SRD5A1: variants seen among roughly 807,000 people sequenced by gnomAD.
SRD5A1 encodes the protein steroid 5 alpha-reductase 1, also known as 3-oxo-5-alpha-steroid 4-dehydrogenase 1.
Under a neutral mutation model 28.2 loss-of-function variants are expected in SRD5A1, and 22 were observed. The observed-to-expected ratio is 0.78, with a 90% CI of 0.56 to 1.12. SRD5A1 has a LOEUF of 1.12. SRD5A1 is among the 50% of genes most tolerant of loss of function. The probability of loss-of-function intolerance (pLI) is 0.00; values close to 1 mark genes in which losing one functional copy is unlikely to be tolerated. For synonymous variants in SRD5A1, 151 were observed against 135.0 expected (o/e 1.12, Z -0.82); for missense variants, 300 against 346.7 (o/e 0.87, Z 1.07).
chr5:6,637,236 T>C (rs967798688), intron 1 of SRD5A1, among the ~76,000 whole-genome samples: 2 of 152,128 alleles, frequency 1.3e-5, no homozygotes, highest in African/African-American at 4.8e-5. Context: ...AGCCTGTGCC[T>C]ACTCCTATCA....
chr5:6,640,042 A>C (rs1352655146), intron 1 of SRD5A1, among the ~76,000 whole-genome samples: 2 of 152,234 alleles, frequency 1.3e-5, no homozygotes, highest in African/African-American at 4.8e-5. Flanking sequence ...ACACTTAATG[A>C]AAATGACTGA....
chr5:6,633,950 T>G, intron 1 of SRD5A1, 81 bp downstream of exon 1: 1 of 1,484,384 alleles, frequency 6.7e-7, no homozygotes, highest in Non-Finnish European at 9.2e-7. Flanking sequence ...CCCGGTGCCC[T>G]CTCCCCGAAG....
At chr5:6,633,929 T>A (rs1239107611) in intron 1 of SRD5A1, 60 bp downstream of exon 1, 16 of 1,553,922 alleles carry the variant, frequency 1.0e-5, no homozygotes, top group Non-Finnish European at 1.4e-5. Context: ...TCTCCGACCC[T>A]CCCCTCACTG....
Position 6,643,094 on chromosome 5 carries a change from A to T in SRD5A1, c.294-8748A>T, listed in dbSNP as rs1323669201. On this transcript the variant is annotated intron_variant, in intron 1 of 4. Coordinates refer to ENST00000274192, the MANE Select transcript of SRD5A1 (RefSeq NM_001047.4). Reference sequence around the variant, plus strand: ...CATTTGCAACAGCTTAGCAGATTCCACTTTGGATTCTACTAAATTCGTGTT... The same window carrying T: ...CATTTGCAACAGCTTAGCAGATTCCTCTTTGGATTCTACTAAATTCGTGTT... 5.9e-5 allele frequency among the ~76,000 whole-genome samples: 9 copies of T among 151,592 alleles called. No individual in the cohort carries two copies. The East Asian group carries it at 1.7e-3, about 29-fold the overall frequency.
At chr5:6,653,659 G>A (rs982412813) in intron 2 of SRD5A1, 2 of 152,118 alleles carry the variant, frequency 1.3e-5, no homozygotes, top group Non-Finnish European at 2.9e-5. Flanking sequence ...AAGAGGAAGG[G>A]GAATTTCTTT....
intron 1 of SRD5A1, among the ~76,000 whole-genome samples, chr5:6,648,867 C>T (rs908385292): frequency 6.6e-6 from 1 of 152,160 alleles, no homozygotes; most frequent in East Asian, 1.9e-4. Context: ...AATTTTCAGC[C>T]TTTTTGCACT....
At chr5:6,658,430 C>T (rs902706188) in intron 3 of SRD5A1, among the ~76,000 whole-genome samples, 9 of 152,222 alleles carry the variant, frequency 5.9e-5, no homozygotes, top group African/African-American at 1.4e-4. Flanking sequence ...TATTACCTGT[C>T]GCAGTAAAGG....
chr5:6,651,344 G>A (rs941457551), intron 1 of SRD5A1, among the ~76,000 whole-genome samples: 3 of 152,154 alleles, frequency 2.0e-5, no homozygotes, highest in East Asian at 3.9e-4. Context: ...TGATTGAAAC[G>A]TGGTAATGCT....
At chr5:6,641,950 T>C (rs1224346037) in intron 1 of SRD5A1, among the ~76,000 whole-genome samples, 1 of 152,222 alleles carries the variant, frequency 6.6e-6, no homozygotes, top group African/African-American at 2.4e-5. Context: ...TCAGACTAAT[T>C]GTCAGCAGGC....
chr5:6,636,675 G>A (rs909027350), intron 1 of SRD5A1, among the ~76,000 whole-genome samples: 4 of 152,174 alleles, frequency 2.6e-5, no homozygotes, highest in Non-Finnish European at 5.9e-5. Context: ...AGGACAGTCA[G>A]GTCAAGGAGG....
rs761152993 is a variant in SRD5A1, at chr5:6,651,950, C to T, written c.402C>T (p.Tyr134=). The change falls in exon 2 of 5, where the codon TAC becomes TAT. Residue 134 remains tyrosine (Y), a synonymous_variant. Coordinates refer to ENST00000274192, the MANE Select transcript of SRD5A1 (RefSeq NM_001047.4). ...CTCNGYLQSR[Y]LSHCAVYADD... is the part of the protein sequence containing the mutation. ...GTAACGGCTATTTGCAAAGCAGATA[C>T]TTGAGCCATTGTGCAGTGTATGCTG... is the stretch of plus-strand genomic sequence containing the variant. 5.6e-6 allele frequency: 9 copies of T among 1,614,184 alleles called. No individual in the cohort carries two copies. In the Admixed American group the frequency reaches 1.3e-4, roughly 24 times the overall value.
intron 1 of SRD5A1, among the ~76,000 whole-genome samples, chr5:6,645,496 G>A (rs996729335): frequency 2.0e-5 from 3 of 151,906 alleles, no homozygotes; most frequent in African/African-American, 7.3e-5. Context: ...AAAATTAGCC[G>A]GGTGTGGTAA....
intron 4 of SRD5A1, among the ~76,000 whole-genome samples, chr5:6,667,033 A>G (rs1161171426): frequency 3.3e-5 from 5 of 152,222 alleles, no homozygotes; most frequent in African/African-American, 4.8e-5. Context: ...AGCACTTGCA[A>G]GTGCTGGATG....
chr5:6,657,791 TC>T (rs1297539244), intron 3 of SRD5A1, among the ~76,000 whole-genome samples: 10 of 152,104 alleles, frequency 6.6e-5, no homozygotes, highest in Non-Finnish European at 1.5e-4. Flanking sequence ...TGTCCACTGT[TC>T]CACAGTAGTT....
Position 6,662,717 on chromosome 5 carries a change from C to T in SRD5A1, c.563-99C>T. On this transcript the variant is annotated intron_variant, in intron 3 of 4. Transcript: ENST00000274192. ...TCTGTAAGGATAATATTTTTCCGTT[C>T]TTGAATTTATGTTCTCCAGGTAAGT... 7 of 1,344,278 alleles carry T rather than the reference C, an allele frequency of 5.2e-6. No individual in the cohort carries two copies. The South Asian group carries it at 9.0e-5, about 17-fold the overall frequency. 83.3% of individuals were successfully genotyped at this position (1,344,278 alleles called of 1,614,324 possible). A position where few individuals can be genotyped will look rare whatever the true frequency, so the allele number is the denominator to read the frequency against.
At chr5:6,644,854 C>T (rs1246940186) in intron 1 of SRD5A1, 1 of 455,746 alleles carries the variant, frequency 2.2e-6, no homozygotes, top group Non-Finnish European at 4.4e-6. Context: ...ATCCCAAATG[C>T]CAGCCCATGG....
rs1016350882 is a variant in SRD5A1 at position 6,673,033 on chromosome 5, C to G, written c.*4765C>G. 6.6e-6 allele frequency: 1 copy of G among 152,184 alleles called. No individual in the cohort carries two copies. Among genetic ancestry groups the G allele is most frequent in the African/African-American group, 2.4e-5 (1 of 41,444 alleles). 9.4% of individuals were successfully genotyped at this position (152,184 alleles called of 1,614,324 possible). A position where few individuals can be genotyped will look rare whatever the true frequency, so the allele number is the denominator to read the frequency against. Reference sequence around the variant, plus strand: ...GCAAAATCTGCTCTCAAAGGCTTCACGTAGCCGGGAAAACTCCGTTCCCAA... The same window carrying G: ...GCAAAATCTGCTCTCAAAGGCTTCAGGTAGCCGGGAAAACTCCGTTCCCAA... On this transcript the variant is annotated 3_prime_UTR_variant, in exon 5 of 5. Transcript: ENST00000274192.
intron 4 of SRD5A1, among the ~76,000 whole-genome samples, chr5:6,666,965 C>T (rs1397100938): frequency 2.6e-5 from 4 of 152,216 alleles, no homozygotes; most frequent in Non-Finnish European, 5.9e-5. Context: ...GAGAGAGGCG[C>T]TCACCTGCTA....
At chr5:6,659,936 A>G (rs924304195) in intron 3 of SRD5A1, among the ~76,000 whole-genome samples, 27 of 152,124 alleles carry the variant, frequency 1.8e-4, no homozygotes, top group African/African-American at 6.5e-4. Context: ...CATGTGACAC[A>G]TTGATGGTTT....
Sources: gnomAD v4.1 joint callset for allele counts (sites outside exome capture counted in the v4.1 genomes callset) on GRCh38, gnomAD v4.1.1 for gene constraint, MANE v1.5 for transcripts, NCBI Gene and HGNC (gene_info 2026-07-23, HGNC 2026-07-21) for gene names.